Variants in LPAR1 observed in about 807,000 individuals in gnomAD.
LPAR1 encodes lysophosphatidic acid receptor 1, also known as LPA receptor 1.
In LPAR1, 5 loss-of-function variants were observed where a neutral mutation model predicts 23.8. That is an observed-to-expected ratio of 0.21 (90% CI 0.11 to 0.44). The LOEUF (loss-of-function observed/expected upper bound fraction) is 0.44. Ranked by LOEUF, LPAR1 falls within the 20% of genes least tolerant of loss-of-function variation. The probability of loss-of-function intolerance (pLI) is 0.99; values close to 1 mark genes in which losing one functional copy is unlikely to be tolerated. For missense variants in LPAR1, 311 were observed against 482.8 expected, an observed-to-expected ratio of 0.64 and a Z score of 3.33; for synonymous variants, 160 against 164.7, an observed-to-expected ratio of 0.97 and a Z score of 0.22.
intron 5 of LPAR1, among the ~76,000 whole-genome samples, chr9:110,886,681 A>G (rs1274706143): frequency 6.6e-6 from 1 of 152,236 alleles, no homozygotes; most frequent in Non-Finnish European, 1.5e-5. Flanking sequence ...ATCAAAAACA[A>G]TGGTACCACA....
At chr9:110,919,529 A>G (rs2135022867) in intron 5 of LPAR1, among the ~76,000 whole-genome samples, 1 of 152,316 alleles carries the variant, frequency 6.6e-6, no homozygotes, top group East Asian at 1.9e-4. Flanking sequence ...TTTGCGATGT[A>G]GCATAGAAAA....
chr9:110,974,431 T>C (rs1350057371), intron 2 of LPAR1, among the ~76,000 whole-genome samples: 1 of 152,120 alleles, frequency 6.6e-6, no homozygotes, highest in Non-Finnish European at 1.5e-5. Flanking sequence ...ACTGGGCAAA[T>C]GAGGAGCTCA....
chr9:110,915,472 G>C (rs146543307), intron 5 of LPAR1, among the ~76,000 whole-genome samples: 1,644 of 152,240 alleles, frequency 0.011, 19 homozygotes, highest in South Asian at 0.016. Flanking sequence ...CTTGAACCTG[G>C]GAGGTGGAGG....
chr9:111,030,845 C>T (rs1013400448), intron 2 of LPAR1, among the ~76,000 whole-genome samples: 3 of 152,198 alleles, frequency 2.0e-5, no homozygotes, highest in Non-Finnish European at 4.4e-5. Context: ...ACTTCTCACT[C>T]TTGATGGCAG....
chr9:110,974,463 A>G (rs568321872), intron 2 of LPAR1, among the ~76,000 whole-genome samples: 2 of 152,316 alleles, frequency 1.3e-5, no homozygotes, highest in Admixed American at 6.5e-5. Context: ...TTTCTAAGAA[A>G]TAATCTAGGT....
chr9:110,942,128 G>A lies in LPAR1; in HGVS notation c.86C>T (p.Ser29Phe), dbSNP rs762199012. 1 of 1,613,968 alleles carries A rather than the reference G, an allele frequency of 6.2e-7. No individual in the cohort carries two copies. Among genetic ancestry groups the A allele is most frequent in the Non-Finnish European group, 8.5e-7 (1 of 1,179,926 alleles). Residue 29 changes from serine (S) to phenylalanine (F), a missense_variant, in exon 5 of 6, where the codon TCC becomes TTC. Physicochemically the swap from Ser to Phe is radical, Grantham distance 155. Coordinates refer to ENST00000683809, the MANE Select transcript of LPAR1 (RefSeq NM_001351411.2). The stretch of plus-strand genomic sequence containing the variant: ...ACTTCGGTTATAAAAGAAGGCAATG[G>A]ACTCGTTGTAGAAGCACTGTGGTTC... ...MNEPQCFYNE[S>F]IAFFYNRSGK...
At chr9:110,956,599 A>G (rs1342052766) in intron 4 of LPAR1, among the ~76,000 whole-genome samples, 1 of 150,714 alleles carries the variant, frequency 6.6e-6, no homozygotes, top group Non-Finnish European at 1.5e-5. Flanking sequence ...ATTAGAAATG[A>G]AAAAAAAAGC....
chr9:111,029,738 T>C (rs2097762875), intron 2 of LPAR1, among the ~76,000 whole-genome samples: 1 of 152,022 alleles, frequency 6.6e-6, no homozygotes, highest in Non-Finnish European at 1.5e-5. Flanking sequence ...GACCGTACTT[T>C]CTTAATTTTT....
At chr9:111,036,376 GGA>G (rs2097894606) in intron 1 of LPAR1, among the ~76,000 whole-genome samples, 175 bp from the exon 2 acceptor site, 1 of 143,422 alleles carries the variant, frequency 7.0e-6, no homozygotes, top group Admixed American at 6.9e-5. Context: ...CTTGAGGAAA[GGA>G]AAAAAAAAAA....
At chr9:111,000,141 C>G (rs916556906) in intron 2 of LPAR1, among the ~76,000 whole-genome samples, 1 of 152,206 alleles carries the variant, frequency 6.6e-6, no homozygotes, top group Non-Finnish European at 1.5e-5. Flanking sequence ...ACACATTCTT[C>G]AGTCCATAAC....
At chr9:110,985,683 T>C (rs1280362496) in intron 2 of LPAR1, among the ~76,000 whole-genome samples, 1 of 152,058 alleles carries the variant, frequency 6.6e-6, no homozygotes, top group Non-Finnish European at 1.5e-5. Flanking sequence ...GTGGTCCTGA[T>C]GGAGAGGAAT....
upstream of LPAR1, among the ~76,000 whole-genome samples, chr9:111,038,966 A>G (rs1483687122): frequency 6.6e-6 from 1 of 152,196 alleles, no homozygotes; most frequent in African/African-American, 2.4e-5. This position sits in a 1 kb window ranked among gnomAD's most constrained non-coding sequence, Gnocchi z 4.4. Flanking sequence ...AGCTCTGGAA[A>G]ACATCGCGGG....
chr9:111,008,696 A>T (rs1033935108), intron 2 of LPAR1, among the ~76,000 whole-genome samples: 3 of 152,176 alleles, frequency 2.0e-5, no homozygotes. Context: ...GGTAGGAAAG[A>T]GTCGCCCCTG....
chr9:110,950,246 G>C (rs537296712), intron 4 of LPAR1, among the ~76,000 whole-genome samples: 4 of 152,098 alleles, frequency 2.6e-5, no homozygotes, highest in African/African-American at 9.6e-5. Flanking sequence ...GCTCACTTGA[G>C]GCCAGGAATT....
intron 2 of LPAR1, among the ~76,000 whole-genome samples, chr9:111,001,115 A>C (rs2097121358): frequency 6.6e-6 from 1 of 152,214 alleles, no homozygotes; most frequent in South Asian, 2.1e-4. Flanking sequence ...GAATAACAAG[A>C]ATCTCACTAT....
chr9:110,922,824 A>ATATTATTAT (rs61229734), intron 5 of LPAR1, among the ~76,000 whole-genome samples: 26,446 of 142,014 alleles, frequency 0.19, 2,635 homozygotes, highest in African/African-American at 0.23. Flanking sequence ...TCTTATTATT[A>ATATTATTAT]TATTATTATT....
At chr9:110,960,857 C>A (rs1431336383) in intron 4 of LPAR1, among the ~76,000 whole-genome samples, 1 of 152,160 alleles carries the variant, frequency 6.6e-6, no homozygotes, top group East Asian at 1.9e-4. Context: ...AACCAAATGC[C>A]AGCTCTAAAA....
At chr9:110,892,381 C>A (rs916519918) in intron 5 of LPAR1, among the ~76,000 whole-genome samples, 1 of 152,088 alleles carries the variant, frequency 6.6e-6, no homozygotes, top group Non-Finnish European at 1.5e-5. Flanking sequence ...TAGGTCATAG[C>A]TCAGGCCGGC....
At chr9:110,926,684 G>A (rs568923746) in intron 5 of LPAR1, among the ~76,000 whole-genome samples, 17 of 121,822 alleles carry the variant, frequency 1.4e-4, no homozygotes, top group African/African-American at 3.8e-4. Flanking sequence ...AATTTTGTCC[G>A]AGTGGTTTTG....
Sources: gnomAD v4.1 joint callset for allele counts (sites outside exome capture counted in the v4.1 genomes callset) on GRCh38, gnomAD v4.1.1 for gene constraint, Gnocchi (gnomAD v3.1) non-coding constraint, MANE v1.5 for transcripts, NCBI Gene and HGNC (gene_info 2026-07-23, HGNC 2026-07-21) for gene names.